ANAPC1: variants seen among roughly 807,000 people sequenced by gnomAD.
The protein encoded by ANAPC1 is anaphase-promoting complex subunit 1.
A neutral mutation model predicts 208.0 loss-of-function variants in ANAPC1; 36 were observed. The ratio of observed to expected loss-of-function variants is 0.17; its 90% CI spans 0.13 to 0.23. The LOEUF is 0.23. Among genes scored for constraint, ANAPC1 ranks in the 10% least tolerant of loss-of-function variants. The probability of loss-of-function intolerance (pLI) is 1.00; values close to 1 mark genes in which losing one functional copy is unlikely to be tolerated. For missense variants in ANAPC1, 942 were observed against 2,011.6 expected (o/e 0.47, Z 10.17); for synonymous variants, 378 against 695.2 (o/e 0.54, Z 7.18).
chr2:111,834,391 AG>A (rs1680347719), intron 19 of ANAPC1, among the ~76,000 whole-genome samples: 1 of 152,130 alleles, frequency 6.6e-6, no homozygotes, highest in African/African-American at 2.4e-5. Context: ...CACTAATCTC[AG>A]GACAAAGACT....
At chr2:111,802,902 C>CTTT in intron 32 of ANAPC1, 1 of 238,032 alleles carries the variant, frequency 4.2e-6, no homozygotes, top group Non-Finnish European at 7.8e-6. Context: ...AATTAATAGA[C>CTTT]TAAAGACATG....
chr2:111,864,860 A>G lies in ANAPC1; in HGVS notation c.777T>C (p.Tyr259=), dbSNP rs920398579. 9.3e-6 allele frequency: 15 copies of G among 1,611,702 alleles called. No homozygotes were observed. The highest frequency in any genetic ancestry group is 5.3e-5 in the African/African-American group (4 of 74,830). ...CAGAATGCACATTTTGAACAGCATC[A>G]TAAGTCATTACAATAGAGGGGTCAG... The part of the protein sequence containing the change: ...LNTDPSIVMT[Y]DAVQNVHSVW... The change falls in exon 8 of 48, where the codon TAT becomes TAC. Residue 259 remains tyrosine, a synonymous_variant. Coordinates refer to ENST00000341068, the MANE Select transcript of ANAPC1 (RefSeq NM_022662.4).
At chr2:111,841,541 G>C (rs1680765824) in intron 17 of ANAPC1, among the ~76,000 whole-genome samples, 1 of 151,928 alleles carries the variant, frequency 6.6e-6, no homozygotes, top group Non-Finnish European at 1.5e-5. Context: ...GCAGAAACAT[G>C]CTGGCAGTGC....
intron 6 of ANAPC1, 78 bp downstream of exon 6, chr2:111,872,552 A>T: frequency 8.1e-7 from 1 of 1,240,580 alleles, no homozygotes. Context: ...ATCATCTCAA[A>T]CTTTTAGATA....
chr2:111,845,004 C>T (rs1332223482), intron 16 of ANAPC1, among the ~76,000 whole-genome samples: 12 of 152,122 alleles, frequency 7.9e-5, no homozygotes, highest in Admixed American at 7.9e-4. Flanking sequence ...TGCCAGCATG[C>T]CTGGCTAATT....
intron 14 of ANAPC1, among the ~76,000 whole-genome samples, chr2:111,850,346 A>G (rs1449168056): frequency 6.6e-6 from 1 of 152,004 alleles, no homozygotes; most frequent in African/African-American, 2.4e-5. Flanking sequence ...ACTCAACCCC[A>G]AGGTCCAAAC....
intron 39 of ANAPC1, 107 bp from the exon 40 acceptor site, chr2:111,785,584 T>C (rs1051507012): frequency 8.4e-6 from 5 of 596,266 alleles, no homozygotes; most frequent in African/African-American, 7.5e-5. Context: ...TCAAGTAATA[T>C]CTTCAAATGA....
In ANAPC1 at chr2:111,858,182, T is replaced by C. The variant is rs1681839538; in HGVS notation, c.1358+124A>G. 4.5e-6 allele frequency: 3 copies of C among 665,366 alleles called. No individual in the cohort carries two copies. The South Asian group carries it at 6.7e-5, about 15-fold the overall frequency. 41.2% of individuals were successfully genotyped at this position (665,366 alleles called of 1,614,324 possible). A position where few individuals can be genotyped will look rare whatever the true frequency, so the allele number is the denominator to read the frequency against. On this transcript the variant is annotated intron_variant, in intron 11 of 47. Coordinates refer to ENST00000341068, the MANE Select transcript of ANAPC1 (RefSeq NM_022662.4). ...TAATTATACAGTAAAAACATGTTAA[T>C]TTTATGACATGTAAATTATTTCTAA...
intron 21 of ANAPC1, among the ~76,000 whole-genome samples, chr2:111,826,665 A>ATTTT (rs34574346): frequency 1.4e-5 from 2 of 139,274 alleles, no homozygotes; most frequent in East Asian, 2.1e-4. Flanking sequence ...TTATTTATTT[A>ATTTT]TTTTTTTTTT....
intron 22 of ANAPC1, 116 bp downstream of exon 22, chr2:111,825,661 A>AC (rs1679793693): frequency 1.0e-6 from 1 of 980,982 alleles, no homozygotes; most frequent in Admixed American, 2.3e-5. Flanking sequence ...CCAGAACAGT[A>AC]CTAAAAAGGT....
intron 10 of ANAPC1, among the ~76,000 whole-genome samples, chr2:111,859,066 C>T (rs1470936679): frequency 2.0e-5 from 3 of 152,176 alleles, no homozygotes; most frequent in Non-Finnish European, 4.4e-5. Flanking sequence ...AATTCCTATC[C>T]CGCAAAGGGC....
At chr2:111,869,637 T>C (rs534214409) in intron 6 of ANAPC1, among the ~76,000 whole-genome samples, 7 of 152,362 alleles carry the variant, frequency 4.6e-5, no homozygotes, top group Non-Finnish European at 7.3e-5. Context: ...GTAGAGTTCA[T>C]GAGTGTACAT....
At chr2:111,784,016 T>G (rs1677423391) in intron 41 of ANAPC1, 52 bp from the exon 42 acceptor site, 1 of 700,760 alleles carries the variant, frequency 1.4e-6, no homozygotes, top group East Asian at 2.7e-5. Flanking sequence ...AATATGCTCA[T>G]CTGACAAACT....
rs1158119946 is a variant in ANAPC1 at position 111,846,534 on chromosome 2, C to CATAT, written c.1852+600_1852+603dup. Among the ~76,000 whole-genome samples, 274 of 68,316 alleles carry CATAT rather than the reference C, an allele frequency of 4.0e-3. 2 individuals are homozygous for CATAT. The highest frequency in any genetic ancestry group is 0.017 in the Middle Eastern group (2 of 118). 44.8% of individuals were successfully genotyped at this position (68,316 alleles called of 152,430 possible). On this transcript the variant is annotated intron_variant, in intron 16 of 47. Transcript: ENST00000341068. Reference sequence around the variant, plus strand: ...AGGCATGTCCATATATATACATATACATATATATATATATATATATATATA... The same window carrying CATAT: ...AGGCATGTCCATATATATACATATACATATATATATATATATATATATATATATA...
At chr2:111,813,441 G>A (rs1679092138) in intron 28 of ANAPC1, among the ~76,000 whole-genome samples, 2 of 151,984 alleles carry the variant, frequency 1.3e-5, no homozygotes, top group Admixed American at 1.3e-4. Context: ...GGTGGAGACT[G>A]ATATTAATCC....
At chr2:111,804,506 CTT>C (rs1183612859) in intron 30 of ANAPC1, among the ~76,000 whole-genome samples, 10 of 77,962 alleles carry the variant, frequency 1.3e-4, no homozygotes, top group Non-Finnish European at 2.4e-4. Context: ...TGATTCTTTT[CTT>C]TTTTTTTTTT....
intron 13 of ANAPC1, among the ~76,000 whole-genome samples, chr2:111,854,223 A>G (rs1239400631): frequency 1.3e-5 from 2 of 152,150 alleles, no homozygotes; most frequent in African/African-American, 4.8e-5. Context: ...TGCACTGTCA[A>G]TGAGCGGTAA....
chr2:111,835,083 C>T (rs1680391863), intron 18 of ANAPC1, among the ~76,000 whole-genome samples: 1 of 151,078 alleles, frequency 6.6e-6, no homozygotes, highest in Non-Finnish European at 1.5e-5. Context: ...CTTTAAAAAC[C>T]ATTAAAAAAA....
intron 13 of ANAPC1, among the ~76,000 whole-genome samples, chr2:111,852,912 C>A (rs1681484728): frequency 6.6e-6 from 1 of 151,942 alleles, no homozygotes; most frequent in South Asian, 2.1e-4. Context: ...TCGCTTGAGT[C>A]AGGAGGTCAT....
Sources: allele counts gnomAD v4.1 joint callset (sites outside exome capture counted in the v4.1 genomes callset), GRCh38; gene constraint gnomAD v4.1.1; transcripts MANE v1.5; gene names NCBI Gene and HGNC (gene_info 2026-07-23, HGNC 2026-07-21).